CCDC171: variants seen among roughly 807,000 people sequenced by gnomAD.
CCDC171 encodes the protein coiled-coil domain containing 171.
A neutral mutation model predicts 168.2 loss-of-function variants in CCDC171; 177 were observed. The observed-to-expected ratio is 1.05, with a 90% CI of 0.93 to 1.19. CCDC171 has a LOEUF of 1.19. Among genes scored for constraint, CCDC171 ranks in the 50% most tolerant of loss-of-function variants. The pLI is 0.00. For missense variants in CCDC171, 1,991 were observed against 1,539.0 expected, an observed-to-expected ratio of 1.29 and a Z score of -4.91; for synonymous variants, 687 against 540.8, an observed-to-expected ratio of 1.27 and a Z score of -3.75.
At chr9:15,963,141 T>C (rs1830500756) in intron 25 of CCDC171, among the ~76,000 whole-genome samples, 1 of 152,022 alleles carries the variant, frequency 6.6e-6, no homozygotes, top group African/African-American at 2.4e-5. Flanking sequence ...TGAGAACACA[T>C]GGACACAGGA....
chr9:15,670,034 C>T (rs184373690), intron 9 of CCDC171, among the ~76,000 whole-genome samples: 42 of 151,840 alleles, frequency 2.8e-4, no homozygotes, highest in African/African-American at 8.7e-4. Flanking sequence ...TCCTCTCTTC[C>T]CTTTCTTGCC....
intron 18 of CCDC171, 74 bp from the exon 19 acceptor site, chr9:15,777,526 A>G: frequency 1.3e-6 from 1 of 760,340 alleles, no homozygotes; most frequent in Non-Finnish European, 2.1e-6. Context: ...TATTTTCATT[A>G]TGTGATTAGC....
At chr9:15,643,548 C>T (rs1171967242) in intron 7 of CCDC171, among the ~76,000 whole-genome samples, 1 of 152,082 alleles carries the variant, frequency 6.6e-6, no homozygotes. Flanking sequence ...ATCAGGGATT[C>T]TTTATTTTTC....
chr9:15,599,271 T>C (rs2042638386), intron 6 of CCDC171, among the ~76,000 whole-genome samples: 1 of 152,240 alleles, frequency 6.6e-6, no homozygotes, highest in Non-Finnish European at 1.5e-5. Context: ...TGGCATGTTT[T>C]GGCAGTGGCT....
chr9:15,902,502 A>G (rs1254113977), intron 24 of CCDC171, among the ~76,000 whole-genome samples: 3 of 152,208 alleles, frequency 2.0e-5, no homozygotes, highest in African/African-American at 7.2e-5. Context: ...GATTTAGTAA[A>G]CACAACTGTA....
chr9:16,029,070 T>C (rs1036421193), intron 6 of CCDC171, among the ~76,000 whole-genome samples: 1 of 152,010 alleles, frequency 6.6e-6, no homozygotes, highest in Non-Finnish European at 1.5e-5. Context: ...AGTGTCCAAA[T>C]GGAAGACGGC....
intron 15 of CCDC171, 21 bp from the exon 16 acceptor site, chr9:15,729,589 C>T: frequency 6.6e-7 from 1 of 1,520,322 alleles, no homozygotes; most frequent in Non-Finnish European, 8.9e-7. Context: ...ATTTCCTTCT[C>T]TGTTGCATCT....
intron 18 of CCDC171, among the ~76,000 whole-genome samples, chr9:15,764,770 C>T (rs1178621017): frequency 1.3e-5 from 2 of 152,126 alleles, no homozygotes; most frequent in African/African-American, 4.8e-5. Flanking sequence ...TGGATGAAGT[C>T]ATGTAGGGTA....
chr9:15,701,929 C>A (rs545762227), intron 11 of CCDC171, among the ~76,000 whole-genome samples: 19 of 152,284 alleles, frequency 1.2e-4, no homozygotes, highest in African/African-American at 4.6e-4. Flanking sequence ...TTGCCCAGAT[C>A]CATCAGAGGA....
intron 7 of CCDC171, among the ~76,000 whole-genome samples, chr9:15,627,663 A>T (rs199813349): frequency 2.0e-5 from 3 of 152,178 alleles, no homozygotes; most frequent in African/African-American, 2.4e-5. Context: ...TCTAGTTTGA[A>T]TGCACTGTGG....
chr9:15,740,079 T>C (rs886186421), intron 16 of CCDC171, among the ~76,000 whole-genome samples: 1 of 152,184 alleles, frequency 6.6e-6, no homozygotes, highest in African/African-American at 2.4e-5. Context: ...ATCTTCTCTT[T>C]TTATGCATCT....
intron 11 of CCDC171, among the ~76,000 whole-genome samples, chr9:15,699,284 C>T (rs938807189): frequency 9.9e-5 from 15 of 152,040 alleles, no homozygotes; most frequent in Non-Finnish European, 2.2e-4. Flanking sequence ...CGTGGGCTCG[C>T]TGGCTCAGGA....
chr9:16,044,043 G>C (rs1204974768), intron 1 of CCDC171, among the ~76,000 whole-genome samples: 1 of 152,198 alleles, frequency 6.6e-6, no homozygotes, highest in East Asian at 1.9e-4. Flanking sequence ...ATTGGGAAGA[G>C]GCCTTCGGTC....
intron 25 of CCDC171, among the ~76,000 whole-genome samples, chr9:15,934,022 C>G (rs545463110): frequency 6.6e-6 from 1 of 151,882 alleles, no homozygotes; most frequent in Non-Finnish European, 1.5e-5. Flanking sequence ...AATTATATAT[C>G]TGATTAATCC....
Position 15,745,618 on chromosome 9 carries a change from C to A in CCDC171, c.2658C>A (p.Val886=). 1.3e-6 allele frequency: 2 copies of A among 1,568,716 alleles called. No individual in the cohort carries two copies. Among genetic ancestry groups the A allele is most frequent in the Non-Finnish European group, 1.7e-6 (2 of 1,161,506 alleles). The change falls in exon 18 of 26, where the codon GTC becomes GTA. Residue 886 remains valine (V), a synonymous_variant. Coordinates refer to ENST00000380701, the MANE Select transcript of CCDC171 (RefSeq NM_173550.4). ...GTTCTATGGCTGAATTACAAGACGT[C>A]ATTGGTAAAGCAGGTATGGTTCCTT... ...IISSMAELQD[V]IGKADPNSRI... is the part of the protein sequence containing the mutation.
chr9:16,081,600 C>T, the CCDC171 span, among the ~76,000 whole-genome samples: 3 of 152,190 alleles, frequency 2.0e-5, no homozygotes, highest in Admixed American at 2.0e-4. Context: ...GGGAACATTT[C>T]AGAGCAACAG....
At chr9:16,106,741 A>G in the CCDC171 span, among the ~76,000 whole-genome samples, 2 of 152,134 alleles carry the variant, frequency 1.3e-5, no homozygotes, top group African/African-American at 4.8e-5. Flanking sequence ...TCATTAGAAT[A>G]TGGTAAAATA....
chr9:15,959,287 G>A (rs145660155), intron 25 of CCDC171, among the ~76,000 whole-genome samples: 4 of 152,160 alleles, frequency 2.6e-5, no homozygotes, highest in African/African-American at 7.2e-5. Flanking sequence ...AAAGTAACAG[G>A]TCTTACCATA....
intron 3 of CCDC171, among the ~76,000 whole-genome samples, chr9:16,014,806 G>A (rs562614336): frequency 7.9e-5 from 12 of 152,066 alleles, no homozygotes; most frequent in Admixed American, 3.3e-4. Context: ...TTAAATATTC[G>A]GTAAACCATG....
Sources: gnomAD v4.1 joint callset for allele counts (sites outside exome capture counted in the v4.1 genomes callset) on GRCh38, gnomAD v4.1.1 for gene constraint, MANE v1.5 for transcripts, NCBI Gene and HGNC (gene_info 2026-07-23, HGNC 2026-07-21) for gene names.